The following ASTN2 variants were observed in gnomAD, a reference collection of about 807,000 sequenced individuals.
The protein encoded by ASTN2 is astrotactin-2.
Under a neutral mutation model 139.8 loss-of-function variants are expected in ASTN2, and 54 were observed. The ratio of observed to expected loss-of-function variants is 0.39; its 90% CI spans 0.31 to 0.48. The LOEUF is 0.48. Ranked by LOEUF, ASTN2 falls within the 20% of genes least tolerant of loss-of-function variation. The pLI is 0.95. For synonymous variants in ASTN2, 756 were observed against 719.5 expected, an observed-to-expected ratio of 1.05 and a Z score of -0.81; for missense variants, 1,565 against 1,725.1, an observed-to-expected ratio of 0.91 and a Z score of 1.64.
At chr9:116,538,562 A>C (rs1279950951) in intron 19 of ASTN2, among the ~76,000 whole-genome samples, 4 of 151,764 alleles carry the variant, frequency 2.6e-5, no homozygotes, top group East Asian at 4.2e-4. Context: ...AAATTCACTC[A>C]AGTTTTAAGG....
chr9:116,947,107 G>A (rs1835422009), intron 10 of ASTN2, among the ~76,000 whole-genome samples: 2 of 152,148 alleles, frequency 1.3e-5, no homozygotes, highest in Non-Finnish European at 2.9e-5. Flanking sequence ...TCTACCTGAT[G>A]TGTATTTTGG....
At chr9:117,025,234 G>A (rs2132622864) in intron 6 of ASTN2, among the ~76,000 whole-genome samples, 1 of 152,140 alleles carries the variant, frequency 6.6e-6, no homozygotes, top group East Asian at 1.9e-4. Flanking sequence ...TGCCCAAGGA[G>A]GAGAATGGGC....
chr9:116,803,523 T>TATATATATATATA (rs71379231), intron 13 of ASTN2, among the ~76,000 whole-genome samples: 3 of 5,436 alleles, frequency 5.5e-4, no homozygotes, highest in East Asian at 6.0e-3. Context: ...TATATATATA[T>TATATATATATATA]TTTTTTTTTT....
chr9:116,702,013 G>A (rs928864300), intron 16 of ASTN2, among the ~76,000 whole-genome samples: 2 of 151,738 alleles, frequency 1.3e-5, no homozygotes, highest in Non-Finnish European at 2.9e-5. Flanking sequence ...TGCCGCTGAA[G>A]AATATGCTGT....
At chr9:117,247,087 G>C (rs993619095) in intron 2 of ASTN2, among the ~76,000 whole-genome samples, 1 of 152,188 alleles carries the variant, frequency 6.6e-6, no homozygotes, top group Non-Finnish European at 1.5e-5. Context: ...GGAGATCACG[G>C]CAGGCAGCTA....
intron 3 of ASTN2, among the ~76,000 whole-genome samples, chr9:117,187,021 C>T (rs1831217318): frequency 6.6e-6 from 1 of 152,086 alleles, no homozygotes; most frequent in South Asian, 2.1e-4. Context: ...CCCAGCTACT[C>T]AGGAGGCTGA....
At chr9:116,829,862 C>T (rs149635984) in intron 11 of ASTN2, among the ~76,000 whole-genome samples, 10 of 152,216 alleles carry the variant, frequency 6.6e-5, no homozygotes, top group South Asian at 6.2e-4. Context: ...TCATATTTCT[C>T]GCCACATATT....
At chr9:117,387,794 G>A (rs996630261) in intron 1 of ASTN2, among the ~76,000 whole-genome samples, 7 of 152,104 alleles carry the variant, frequency 4.6e-5, no homozygotes. Flanking sequence ...ATGCAGAGCA[G>A]GCCACAAGAA....
intron 6 of ASTN2, among the ~76,000 whole-genome samples, chr9:117,029,687 T>C (rs1838192508): frequency 6.6e-6 from 1 of 150,378 alleles, no homozygotes; most frequent in East Asian, 2.0e-4. Context: ...GAAAAAAAAA[T>C]GAAGGAGAAA....
At chr9:116,661,291 C>T (rs1384978148) in intron 16 of ASTN2, among the ~76,000 whole-genome samples, 1 of 152,144 alleles carries the variant, frequency 6.6e-6, no homozygotes, top group African/African-American at 2.4e-5. Context: ...GGGGAAATCT[C>T]TGTTCTGATC....
chr9:117,400,834 C>T (rs2130961261), intron 1 of ASTN2, among the ~76,000 whole-genome samples: 1 of 152,118 alleles, frequency 6.6e-6, no homozygotes, highest in Admixed American at 6.5e-5. Flanking sequence ...GAGACTTGAC[C>T]ACAGACACCC....
At chr9:116,915,235 C>G (rs910015830) in intron 10 of ASTN2, among the ~76,000 whole-genome samples, 1 of 152,152 alleles carries the variant, frequency 6.6e-6, no homozygotes, top group Non-Finnish European at 1.5e-5. Flanking sequence ...CCTAAAAGAC[C>G]AAAAAGTTCT....
At chr9:116,764,378 G>T (rs904832574) in intron 13 of ASTN2, among the ~76,000 whole-genome samples, 3 of 152,156 alleles carry the variant, frequency 2.0e-5, no homozygotes, top group African/African-American at 7.2e-5. Context: ...TTAGTCCTGA[G>T]CTCCCTATGG....
At chr9:117,369,455 T>C (rs148129704) in intron 1 of ASTN2, among the ~76,000 whole-genome samples, 8 of 152,212 alleles carry the variant, frequency 5.3e-5, no homozygotes, top group African/African-American at 1.9e-4. Flanking sequence ...CCATTTCATA[T>C]GGTAGAAAAC....
chr9:117,373,010 T>G (rs1830027725), intron 1 of ASTN2, among the ~76,000 whole-genome samples: 2 of 152,152 alleles, frequency 1.3e-5, no homozygotes, highest in South Asian at 4.1e-4. Flanking sequence ...CATTTCTACA[T>G]TGGGGATGAT....
Position 116,852,551 on chromosome 9 carries a change from C to T in ASTN2, c.2040+11032G>A, listed in dbSNP as rs530908224. Among the ~76,000 whole-genome samples the T allele has an allele frequency of 3.9e-5, 6 of 152,192 alleles. No individual in the cohort carries two copies. In the South Asian group the frequency reaches 1.2e-3, roughly 32 times the overall value. On this transcript the variant is annotated intron_variant, in intron 11 of 22. Transcript: ENST00000313400. ...ATGAAACCTTCTCACTGTTTGCTCC[C>T]TCAAGGGAAAGGGATTTCAAAATAC...
intron 4 of ASTN2, among the ~76,000 whole-genome samples, chr9:117,140,177 C>T (rs983649947): frequency 2.0e-5 from 3 of 152,094 alleles, no homozygotes; most frequent in Non-Finnish European, 4.4e-5. Context: ...CCCTTAGGGG[C>T]CAGAGAGGTG....
chr9:116,748,241 A>G (rs1829300219), intron 13 of ASTN2, among the ~76,000 whole-genome samples: 1 of 152,240 alleles, frequency 6.6e-6, no homozygotes, highest in South Asian at 2.1e-4. Flanking sequence ...AGCTAAACAC[A>G]AATTGAAACC....
intron 10 of ASTN2, among the ~76,000 whole-genome samples, chr9:116,940,125 T>G (rs1835184097): frequency 1.3e-5 from 2 of 152,228 alleles, no homozygotes; most frequent in African/African-American, 4.8e-5. Flanking sequence ...TTTTATTATT[T>G]TGTAGAGACA....
Sources: gnomAD v4.1 joint callset for allele counts (sites outside exome capture counted in the v4.1 genomes callset) on GRCh38, gnomAD v4.1.1 for gene constraint, MANE v1.5 for transcripts, NCBI Gene and HGNC (gene_info 2026-07-23, HGNC 2026-07-21) for gene names.